GNAQ: variants seen among roughly 807,000 people sequenced by gnomAD.
The protein encoded by GNAQ is G protein subunit alpha q, also known as guanine nucleotide-binding protein G(q) subunit alpha.
A neutral mutation model predicts 43.9 loss-of-function variants in GNAQ; 8 were observed. The ratio of observed to expected loss-of-function variants is 0.18; its 90% CI spans 0.11 to 0.33. The LOEUF is 0.33. GNAQ is among the 10% of genes least tolerant of loss of function. The pLI, the probability that GNAQ is intolerant of heterozygous loss-of-function variation, is 1.00. For missense variants in GNAQ, 158 were observed against 450.8 expected (o/e 0.35, Z 5.88); for synonymous variants, 155 against 170.7 (o/e 0.91, Z 0.71).
intron 3 of GNAQ, among the ~76,000 whole-genome samples, chr9:77,808,556 G>C (rs1281958503): frequency 1.3e-5 from 2 of 151,980 alleles, no homozygotes; most frequent in African/African-American, 2.4e-5. Context: ...ATTTAATCAT[G>C]TAGAGAATAA....
intron 3 of GNAQ, among the ~76,000 whole-genome samples, chr9:77,808,617 T>C (rs1826865554): frequency 6.6e-6 from 1 of 152,074 alleles, no homozygotes; most frequent in Non-Finnish European, 1.5e-5. Context: ...CAGGTTTTCA[T>C]TTGACTGCAT....
intron 1 of GNAQ, among the ~76,000 whole-genome samples, chr9:77,928,578 G>A (rs547795711): frequency 1.2e-4 from 19 of 152,260 alleles, no homozygotes; most frequent in Admixed American, 9.2e-4. Flanking sequence ...CCTCCCAGAA[G>A]AGTCACTTGA....
intron 1 of GNAQ, among the ~76,000 whole-genome samples, chr9:78,021,769 C>T (rs1823912345): frequency 6.6e-6 from 1 of 152,224 alleles, no homozygotes; most frequent in Non-Finnish European, 1.5e-5. Flanking sequence ...GTCACACATA[C>T]ACTAAAGAGA....
At chr9:78,003,812 T>TA (rs557188160) in intron 1 of GNAQ, among the ~76,000 whole-genome samples, 283 of 91,456 alleles carry the variant, frequency 3.1e-3, no homozygotes, top group African/African-American at 5.4e-3. Context: ...CAAGACTGTC[T>TA]AAAAAAAAAA....
intron 2 of GNAQ, among the ~76,000 whole-genome samples, chr9:77,820,545 T>G (rs1033711960): frequency 3.3e-5 from 5 of 152,142 alleles, no homozygotes; most frequent in African/African-American, 1.2e-4. Flanking sequence ...CTCAGCAAAA[T>G]TAGAAATTAC....
intron 2 of GNAQ, among the ~76,000 whole-genome samples, chr9:77,900,295 T>C (rs1828581690): frequency 1.3e-5 from 2 of 152,102 alleles, no homozygotes; most frequent in Admixed American, 1.3e-4. Context: ...TCAAAAAAGA[T>C]CCTTCTGTCA....
At chr9:77,924,317 A>G (rs1297979062) in intron 1 of GNAQ, among the ~76,000 whole-genome samples, 1 of 152,228 alleles carries the variant, frequency 6.6e-6, no homozygotes, top group Non-Finnish European at 1.5e-5. Context: ...CGATTTATAG[A>G]AACTAGTATT....
chr9:77,963,795 T>C (rs1388601844), intron 1 of GNAQ, among the ~76,000 whole-genome samples: 2 of 152,050 alleles, frequency 1.3e-5, no homozygotes, highest in African/African-American at 2.4e-5. Flanking sequence ...TTCCCTCTCA[T>C]CAAAAAAAGG....
At chr9:77,878,999 T>G (rs924673765) in intron 2 of GNAQ, among the ~76,000 whole-genome samples, 15 of 152,072 alleles carry the variant, frequency 9.9e-5, no homozygotes, top group African/African-American at 3.6e-4. Flanking sequence ...TGAGCCAAGA[T>G]TGTACCACTG....
intron 1 of GNAQ, among the ~76,000 whole-genome samples, chr9:77,937,152 T>C (rs959383592): frequency 2.6e-5 from 4 of 152,206 alleles, no homozygotes; most frequent in African/African-American, 7.2e-5. Context: ...ATTTAAAATG[T>C]AGAGTTCTGG....
At chr9:77,947,865 G>T (rs1822924028) in intron 1 of GNAQ, among the ~76,000 whole-genome samples, 1 of 152,162 alleles carries the variant, frequency 6.6e-6, no homozygotes, top group South Asian at 2.1e-4. Context: ...AGAGCCATAA[G>T]GCCTCTGTTC....
rs1386986730 is a variant in GNAQ, at chr9:77,935,951, C to T, written c.137-13606G>A. On this transcript the variant is annotated intron_variant, in intron 1 of 6. Transcript: ENST00000286548. Reference sequence around the variant, plus strand: ...TAAATTGCACATGGAAATATGCCTTCTTCCTGCAAAGGGAAGGATCTCTTT... The same window carrying T: ...TAAATTGCACATGGAAATATGCCTTTTTCCTGCAAAGGGAAGGATCTCTTT... 2.6e-5 allele frequency among the ~76,000 whole-genome samples: 4 copies of T among 152,178 alleles called. No individual in the cohort carries two copies. In the East Asian group the frequency reaches 7.7e-4, roughly 29 times the overall value.
chr9:77,815,115 G>A (rs1826991558), intron 3 of GNAQ, among the ~76,000 whole-genome samples: 1 of 152,180 alleles, frequency 6.6e-6, no homozygotes, highest in Non-Finnish European at 1.5e-5. Context: ...CAACATAATA[G>A]TGGCTCTCAG....
chr9:77,873,026 G>C lies in GNAQ; in HGVS notation c.321+49135C>G, dbSNP rs541574731. Among the ~76,000 whole-genome samples the C allele has an allele frequency of 3.3e-5, 5 of 152,210 alleles. No homozygotes were observed. The South Asian group carries it at 1.0e-3, about 32-fold the overall frequency. On this transcript the variant is annotated intron_variant, in intron 2 of 6. Transcript: ENST00000286548. ...ACACTAGAGGGAAGGATTAGCAAGC[G>C]AATTTGTTTCGCTGGAAAGAGAATG...
At chr9:77,969,029 A>T (rs927787807) in intron 1 of GNAQ, among the ~76,000 whole-genome samples, 1 of 152,130 alleles carries the variant, frequency 6.6e-6, no homozygotes, top group South Asian at 2.1e-4. Context: ...TTTTCAACCA[A>T]TCATGGTAGG....
At chr9:77,869,162 AT>A (rs989526453) in intron 2 of GNAQ, among the ~76,000 whole-genome samples, 12 of 148,120 alleles carry the variant, frequency 8.1e-5, no homozygotes, top group Non-Finnish European at 1.5e-4. Flanking sequence ...CATGTAAGTA[AT>A]TATTCATTTT....
rs117348671 is a variant in GNAQ, at chr9:77,934,406, A to G, written c.137-12061T>C. On this transcript the variant is annotated intron_variant, in intron 1 of 6. Transcript: ENST00000286548. The stretch of plus-strand genomic sequence containing the variant: ...CTAAAAACTACAGTAGTCTTCTTTC[A>G]AGGTTAATATGTCAAGTTTTTTTTT... 2.4e-3 allele frequency among the ~76,000 whole-genome samples: 371 copies of G among 152,266 alleles called. 2 individuals carry two copies. The highest frequency in any genetic ancestry group is 2.5e-3 in the Admixed American group (39 of 15,302).
chr9:77,820,125 AT>A (rs1827089978), intron 2 of GNAQ, among the ~76,000 whole-genome samples: 4 of 152,110 alleles, frequency 2.6e-5, no homozygotes, highest in African/African-American at 9.6e-5. Context: ...AGTACAAAAA[AT>A]ATAAACCATG....
chr9:77,748,346 A>G (rs1825761750), intron 5 of GNAQ, among the ~76,000 whole-genome samples: 1 of 152,216 alleles, frequency 6.6e-6, no homozygotes, highest in Non-Finnish European at 1.5e-5. Context: ...AGGTTTTCCT[A>G]AAATTACCCT....
Sources: allele counts gnomAD v4.1 joint callset (sites outside exome capture counted in the v4.1 genomes callset), GRCh38; gene constraint gnomAD v4.1.1; transcripts MANE v1.5; gene names NCBI Gene and HGNC (gene_info 2026-07-23, HGNC 2026-07-21).